Variants in XKR6 observed in about 807,000 individuals in gnomAD.
XKR6 encodes the protein XK-related protein 6.
Under a neutral mutation model 56.7 loss-of-function variants are expected in XKR6, and 22 were observed. The observed-to-expected ratio is 0.39, with a 90% confidence interval of 0.28 to 0.55. The LOEUF is 0.55. Ranked by LOEUF, XKR6 falls within the 20% of genes least tolerant of loss-of-function variation. The pLI, the probability that XKR6 is intolerant of heterozygous loss-of-function variation, is 0.66. For synonymous variants in XKR6, 524 were observed against 387.8 expected, an observed-to-expected ratio of 1.35 and a Z score of -4.13; for missense variants, 852 against 889.0, an observed-to-expected ratio of 0.96 and a Z score of 0.53.
intron 1 of XKR6, among the ~76,000 whole-genome samples, chr8:11,115,815 A>G (rs1442370034): frequency 6.6e-6 from 1 of 152,242 alleles, no homozygotes; most frequent in African/African-American, 2.4e-5. Context: ...AACCTCCAGC[A>G]TAAATGGGTT....
At chr8:11,180,500 GGGTGGGGGAAGCAAAATCATCCCT>G (rs1802912672) in intron 1 of XKR6, among the ~76,000 whole-genome samples, 2 of 152,252 alleles carry the variant, frequency 1.3e-5, no homozygotes, top group Admixed American at 1.3e-4. Context: ...TACCCTGCAA[GGGTGGGGGAAGCAAAATCATCCCT>G]GGTGGAGAAC....
At chr8:10,972,334 A>G (rs1270887750) in intron 1 of XKR6, among the ~76,000 whole-genome samples, 2 of 152,190 alleles carry the variant, frequency 1.3e-5, no homozygotes. Context: ...GCAATTACCA[A>G]TTCTTTCCTG....
At chr8:10,924,871 G>A in intron 1 of XKR6, 41 bp from the exon 2 acceptor site, 1 of 1,579,264 alleles carries the variant, frequency 6.3e-7, no homozygotes, top group Non-Finnish European at 8.6e-7. Flanking sequence ...GCATGGGTGG[G>A]TGCAGGGGCT....
chr8:10,953,461 T>C (rs200193195), intron 1 of XKR6, among the ~76,000 whole-genome samples: 1 of 152,180 alleles, frequency 6.6e-6, no homozygotes, highest in African/African-American at 2.4e-5. Flanking sequence ...ATGCCTCCTG[T>C]ACAGCCTGTA....
intron 1 of XKR6, among the ~76,000 whole-genome samples, chr8:11,174,125 T>C (rs569922260): frequency 4.6e-5 from 7 of 152,372 alleles, no homozygotes; most frequent in South Asian, 2.1e-4. Context: ...TATTAATCCA[T>C]GCAACACACT....
intron 1 of XKR6, among the ~76,000 whole-genome samples, chr8:11,082,403 A>G (rs536275539): frequency 6.6e-6 from 1 of 152,300 alleles, no homozygotes; most frequent in African/African-American, 2.4e-5. Flanking sequence ...AGCTGAGATA[A>G]TATCTCTATT....
chr8:11,075,420 T>C (rs1161774669), intron 1 of XKR6, among the ~76,000 whole-genome samples: 2 of 152,136 alleles, frequency 1.3e-5, no homozygotes, highest in Admixed American at 1.3e-4. Flanking sequence ...GGTAGGTGCT[T>C]GATTCCTCTT....
chr8:11,069,418 T>C (rs1167879249), intron 1 of XKR6, among the ~76,000 whole-genome samples: 1 of 151,854 alleles, frequency 6.6e-6, no homozygotes, highest in Non-Finnish European at 1.5e-5. Context: ...CGCAAGGCCC[T>C]CCCTGGAGCC....
Position 10,924,763 on chromosome 8 carries a change from A to C in XKR6, c.832T>G (p.Trp278Gly), listed in dbSNP as rs1310193119. The C allele has an allele frequency of 1.8e-5, 29 of 1,613,972 alleles. No homozygotes were observed. Among genetic ancestry groups the C allele is most frequent in the African/African-American group, 2.7e-5 (2 of 74,926 alleles). The stretch of plus-strand genomic sequence containing the variant: ...TCTGCATATTCATACATCATAGCCC[A>C]GTAGAAGCGTCGCTGGTGTTCCTTC... ...RRKEHQRRFY[W>G]AMMYEYADVN... is the part of the protein sequence containing the mutation. The change falls in exon 2 of 3, where the codon TGG (tryptophan) becomes GGG (glycine). Residue 278 changes from tryptophan to glycine, a missense_variant. Trp to Gly is a radical substitution (Grantham distance 184). Around this residue, in one of 4 missense-constraint regions of XKR6, gnomAD observed 199 missense variants for 280.4 expected, o/e 0.71. Transcript: ENST00000416569.
intron 1 of XKR6, among the ~76,000 whole-genome samples, chr8:11,061,595 G>A (rs145744615): frequency 4.6e-5 from 7 of 152,120 alleles, no homozygotes; most frequent in South Asian, 2.1e-4. Context: ...ATGCACATCC[G>A]TTCATTCATT....
At chr8:10,961,435 C>T (rs1282594880) in intron 1 of XKR6, among the ~76,000 whole-genome samples, 2 of 152,186 alleles carry the variant, frequency 1.3e-5, no homozygotes, top group Non-Finnish European at 1.5e-5. Context: ...TCCTCAGAGG[C>T]TGGCTAGGGG....
In XKR6 at chr8:11,007,398, G is replaced by A. The variant is rs142650028; in HGVS notation, c.765-82568C>T. ...AGGGGCTAATGTGCAAGCTTCTGTCGCTCAGCAGCAAAGCCTGGGTCTCAA... is the reference window on the plus strand; with the variant it reads ...AGGGGCTAATGTGCAAGCTTCTGTCACTCAGCAGCAAAGCCTGGGTCTCAA... On this transcript the variant is annotated intron_variant, in intron 1 of 2. Coordinates refer to ENST00000416569, the MANE Select transcript of XKR6 (RefSeq NM_173683.4). Among the ~76,000 whole-genome samples, 963 of 152,256 alleles carry A rather than the reference G, an allele frequency of 6.3e-3. 7 individuals are homozygous for A. The highest frequency in any genetic ancestry group is 0.022 in the African/African-American group (905 of 41,526).
chr8:10,995,160 A>G (rs965578559), intron 1 of XKR6, among the ~76,000 whole-genome samples: 1 of 152,040 alleles, frequency 6.6e-6, no homozygotes, highest in Non-Finnish European at 1.5e-5. Flanking sequence ...TGCCTTTACT[A>G]TCTATCAGTG....
chr8:11,137,414 T>C (rs1057484250), intron 1 of XKR6: 4 of 362,216 alleles, frequency 1.1e-5, no homozygotes, highest in Admixed American at 3.7e-5. Context: ...GCTAGAATAG[T>C]GAGAAGAAAT....
intron 1 of XKR6, among the ~76,000 whole-genome samples, chr8:11,120,552 G>A (rs1045584573): frequency 6.6e-6 from 1 of 152,180 alleles, no homozygotes; most frequent in Non-Finnish European, 1.5e-5. Context: ...CAAACAAATG[G>A]AAGAACATTC....
At chr8:10,970,081 ACC>A (rs1802359244) in intron 1 of XKR6, among the ~76,000 whole-genome samples, 1 of 152,100 alleles carries the variant, frequency 6.6e-6, no homozygotes, top group Non-Finnish European at 1.5e-5. Context: ...CTGGGCTGTC[ACC>A]TCTCGCAGGA....
chr8:10,995,666 T>A (rs574384466), intron 1 of XKR6, among the ~76,000 whole-genome samples: 75 of 140,892 alleles, frequency 5.3e-4, no homozygotes, highest in Middle Eastern at 3.5e-3. Flanking sequence ...CCAGTCTGGG[T>A]GACAGAGTGA....
At chr8:10,999,335 C>T (rs569858711) in intron 1 of XKR6, among the ~76,000 whole-genome samples, 1 of 152,194 alleles carries the variant, frequency 6.6e-6, no homozygotes, top group Non-Finnish European at 1.5e-5. Flanking sequence ...TAAGGAGATG[C>T]ACATAATATG....
intron 1 of XKR6, among the ~76,000 whole-genome samples, chr8:11,143,543 C>G (rs989781182): frequency 6.6e-6 from 1 of 152,122 alleles, no homozygotes; most frequent in Admixed American, 6.5e-5. Flanking sequence ...GATTAGGAGA[C>G]TTAAAAGACA....
Sources: allele counts gnomAD v4.1 joint callset (sites outside exome capture counted in the v4.1 genomes callset), GRCh38; gene constraint gnomAD v4.1.1; regional missense constraint gnomAD v4.1.1; transcripts MANE v1.5; gene names NCBI Gene and HGNC (gene_info 2026-07-23, HGNC 2026-07-21).